EVC: variants seen among roughly 807,000 people sequenced by gnomAD.
The protein encoded by EVC is evC complex member EVC.
A neutral mutation model predicts 118.9 loss-of-function variants in EVC; 116 were observed. The observed-to-expected ratio is 0.98, with a 90% CI of 0.84 to 1.14. EVC has a LOEUF of 1.14. EVC is among the 50% of genes most tolerant of loss of function. The pLI, the probability that EVC is intolerant of heterozygous loss-of-function variation, is 0.00. For synonymous variants in EVC, 619 were observed against 534.7 expected, an observed-to-expected ratio of 1.16 and a Z score of -2.18; for missense variants, 1,401 against 1,246.4, an observed-to-expected ratio of 1.12 and a Z score of -1.87.
Position 5,756,220 on chromosome 4 carries a change from A to AC in EVC, c.1465-41dup. 1.4e-6 allele frequency: 2 copies of AC among 1,443,196 alleles called. No homozygotes were observed. Among genetic ancestry groups the AC allele is most frequent in the Non-Finnish European group, 1.9e-6 (2 of 1,048,296 alleles). The allele number at this position is 1,443,196 out of a possible 1,614,324, so 89.4% of individuals were successfully genotyped here. Reference sequence around the variant, plus strand: ...GAACCTTCTGGAAAAAAAAAAAAAAACCCTGCATGTTTCTACCAGACTCAG... The same window carrying AC: ...GAACCTTCTGGAAAAAAAAAAAAAAACCCCTGCATGTTTCTACCAGACTCAG... On this transcript the variant is annotated intron_variant, in intron 10 of 20. Transcript: ENST00000264956. The surrounding 1 kb of genome is among the most constrained non-coding windows in gnomAD (Gnocchi z 4.2).
chr4:5,800,199 G>T (rs1281820528), intron 15 of EVC, among the ~76,000 whole-genome samples: 2 of 152,116 alleles, frequency 1.3e-5, no homozygotes, highest in Non-Finnish European at 2.9e-5. Flanking sequence ...ACAAAAATTA[G>T]CTAGGTGTAG....
At chr4:5,730,182 G>A (rs1414175986) in intron 3 of EVC, among the ~76,000 whole-genome samples, 1 of 152,046 alleles carries the variant, frequency 6.6e-6, no homozygotes, top group Non-Finnish European at 1.5e-5. Flanking sequence ...CTCCTGCCTC[G>A]CCCAGTTGTT....
chr4:5,809,687 A>G, intron 19 of EVC, 76 bp downstream of exon 19: 4 of 1,291,778 alleles, frequency 3.1e-6, no homozygotes, highest in Non-Finnish European at 3.3e-6. Flanking sequence ...CACACTGGCC[A>G]CTAACTAGCT....
rs1407767218 is a variant in EVC, at chr4:5,755,394, A to G, written c.1465-870A>G. ...AATGAGCGCATGCGTGCCTGAATGA[A>G]CCAGGACATGGACAAATGGGCAAAC... is the stretch of plus-strand genomic sequence containing the variant. On this transcript the variant is annotated intron_variant, in intron 10 of 20. Transcript: ENST00000264956. This position sits in a 1 kb window ranked among gnomAD's most constrained non-coding sequence, Gnocchi z 4.1. 2.0e-5 allele frequency among the ~76,000 whole-genome samples: 3 copies of G among 151,878 alleles called. No individual in the cohort carries two copies. The highest frequency in any genetic ancestry group is 7.3e-5 in the African/African-American group (3 of 41,266).
At chr4:5,777,203 C>A (rs1734837389) in intron 11 of EVC, among the ~76,000 whole-genome samples, 1 of 152,190 alleles carries the variant, frequency 6.6e-6, no homozygotes, top group Non-Finnish European at 1.5e-5. Flanking sequence ...GATATCAGCA[C>A]CTCTAGTGAT....
chr4:5,765,526 G>A (rs1186233039), intron 11 of EVC, among the ~76,000 whole-genome samples: 1 of 120,432 alleles, frequency 8.3e-6, no homozygotes, highest in Non-Finnish European at 1.8e-5. Context: ...CATTATTAAT[G>A]TGTGGGAGTC....
chr4:5,729,188 A>G (rs1290319081), intron 2 of EVC, 119 bp from the exon 3 acceptor site: 4 of 887,308 alleles, frequency 4.5e-6, no homozygotes, highest in Admixed American at 1.8e-5. Context: ...AAATGTGCCT[A>G]TCATGGTCCC....
intron 7 of EVC, 60 bp from the exon 8 acceptor site, chr4:5,748,088 G>C (rs557948531): frequency 6.4e-7 from 1 of 1,564,830 alleles, no homozygotes; most frequent in African/African-American, 1.8e-5. Context: ...AGCACGCACC[G>C]TTTGGCTTTC....
At position 5,801,955 on chromosome 4, in the gene EVC, A is replaced by T. The variant is rs1236326362; in HGVS notation, c.2310A>T (p.Thr770=). ...TCCTTCCTTTCTTCCCTCAGAGGACACTGATGGAGGCGGCAGTGGAGAGCG... is the reference window on the plus strand; with the variant it reads ...TCCTTCCTTTCTTCCCTCAGAGGACTCTGATGGAGGCGGCAGTGGAGAGCG... The part of the protein sequence containing the change: ...RAKDRDDFKR[T]LMEAAVESVY... Residue 770 remains threonine (T), a synonymous_variant, in exon 16 of 21, where the codon ACA becomes ACT. Coordinates refer to ENST00000264956, the MANE Select transcript of EVC (RefSeq NM_153717.3). 1.2e-6 allele frequency: 2 copies of T among 1,613,292 alleles called. No homozygotes were observed. The highest frequency in any genetic ancestry group is 2.7e-5 in the African/African-American group (2 of 74,908).
At chr4:5,748,114 A>G in intron 7 of EVC, 34 bp from the exon 8 acceptor site, 2 of 1,613,860 alleles carry the variant, frequency 1.2e-6, no homozygotes, top group East Asian at 2.2e-5. Context: ...TAAGTTTTTC[A>G]CCTCACTTCT....
chr4:5,825,772 G>T, the EVC span: 1 of 1,014,810 alleles, frequency 9.9e-7, no homozygotes, highest in Admixed American at 2.8e-5. The surrounding 1 kb of genome is among the most constrained non-coding windows in gnomAD (Gnocchi z 4.4). Context: ...CTTCAAATGT[G>T]CATGCACACA....
At chr4:5,824,632 A>T in the EVC span, 1 of 954,850 alleles carries the variant, frequency 1.0e-6, no homozygotes, top group Non-Finnish European at 1.2e-6. Context: ...TAGTTTGTAC[A>T]TTTTCAAATG....
chr4:5,726,602 G>C (rs1725865194), intron 2 of EVC, among the ~76,000 whole-genome samples: 2 of 123,552 alleles, frequency 1.6e-5, no homozygotes, highest in Non-Finnish European at 3.3e-5. Flanking sequence ...TTAAGTTTTA[G>C]GGTACATGTG....
In EVC at chr4:5,755,196, C is replaced by T. The variant is rs942013006; in HGVS notation, c.1465-1068C>T. 1.3e-5 allele frequency among the ~76,000 whole-genome samples: 2 copies of T among 152,118 alleles called. No homozygotes were observed. Among genetic ancestry groups the T allele is most frequent in the Non-Finnish European group, 2.9e-5 (2 of 68,030 alleles). ...AAGAGGAAGATAAGGCTATTCAGCT[C>T]CTCGTTATTTGGATATTTCTGGGCC... On this transcript the variant is annotated intron_variant, in intron 10 of 20. Transcript: ENST00000264956. The surrounding 1 kb of genome is among the most constrained non-coding windows in gnomAD (Gnocchi z 4.1).
At chr4:5,815,462 CGGGAAATGG>C (rs1717524461), downstream of EVC, among the ~76,000 whole-genome samples, 1 of 152,132 alleles carries the variant, frequency 6.6e-6, no homozygotes, top group African/African-American at 2.4e-5. Context: ...CATAGGGAGA[CGGGAAATGG>C]GGGAAATGTG....
At chr4:5,807,092 A>C (rs6837485) in intron 17 of EVC, among the ~76,000 whole-genome samples, 65,197 of 151,930 alleles carry the variant, frequency 0.43, 14,169 homozygotes, top group South Asian at 0.47. Context: ...AGCTGTGCCA[A>C]ATGAGTGATT....
intron 1 of EVC, among the ~76,000 whole-genome samples, chr4:5,716,982 A>G (rs1377200226): frequency 1.3e-5 from 2 of 151,868 alleles, no homozygotes; most frequent in African/African-American, 4.8e-5. Context: ...GGTGAAAGTC[A>G]TTTGTCATCC....
downstream of EVC, among the ~76,000 whole-genome samples, chr4:5,816,666 C>CTCTCTCCCTTCCCTCCCTCCCTTCCCT: frequency 6.8e-6 from 1 of 147,728 alleles, no homozygotes; most frequent in Non-Finnish European, 1.5e-5. Flanking sequence ...CCTCCTTCCC[C>CTCTCTCCCTTCCCTCCCTCCCTTCCCT]TCTCTCCCTT....
chr4:5,728,088 G>C (rs191311552), intron 2 of EVC, among the ~76,000 whole-genome samples: 4 of 152,000 alleles, frequency 2.6e-5, no homozygotes, highest in Admixed American at 2.6e-4. Flanking sequence ...ACTTTAAAGT[G>C]GTTTTTTCCA....
Sources: gnomAD v4.1 joint callset for allele counts (sites outside exome capture counted in the v4.1 genomes callset) on GRCh38, gnomAD v4.1.1 for gene constraint, Gnocchi (gnomAD v3.1) non-coding constraint, MANE v1.5 for transcripts, NCBI Gene and HGNC (gene_info 2026-07-23, HGNC 2026-07-21) for gene names.